DGKB: variants seen among roughly 807,000 people sequenced by gnomAD.
DGKB encodes the protein 90 kDa diacylglycerol kinase.
In DGKB, 67 loss-of-function variants were observed where a neutral mutation model predicts 114.3. The ratio of observed to expected loss-of-function variants is 0.59; its 90% confidence interval spans 0.48 to 0.72. The LOEUF is 0.72. Among genes scored for constraint, DGKB ranks in the 30% least tolerant of loss-of-function variants. The probability of loss-of-function intolerance (pLI) is 0.00; values close to 1 mark genes in which losing one functional copy is unlikely to be tolerated. For synonymous variants in DGKB, 398 were observed against 323.1 expected, an observed-to-expected ratio of 1.23 and a Z score of -2.49; for missense variants, 907 against 975.2, an observed-to-expected ratio of 0.93 and a Z score of 0.93.
chr7:14,683,534 T>C (rs1448424708), intron 10 of DGKB, among the ~76,000 whole-genome samples: 1 of 152,114 alleles, frequency 6.6e-6, no homozygotes, highest in Non-Finnish European at 1.5e-5. Context: ...AAGACATACA[T>C]TTTTGGCATC....
chr7:14,217,225 T>G (rs1014787914), intron 23 of DGKB, among the ~76,000 whole-genome samples: 3 of 96,166 alleles, frequency 3.1e-5, no homozygotes, highest in Non-Finnish European at 7.6e-5. Flanking sequence ...AAAGTGAGAA[T>G]AATTCAGTTT....
In DGKB at chr7:14,704,936, C is replaced by T. The variant is rs1398052374; in HGVS notation, c.467-3206G>A. 1.4e-4 allele frequency among the ~76,000 whole-genome samples: 21 copies of T among 152,012 alleles called. No individual in the cohort carries two copies. The East Asian group carries it at 2.2e-3, about 16-fold the overall frequency. Reference sequence around the variant, plus strand: ...CCTCTCCTCCTCCAAAGGAACGCAGCTCCTCACCAGCAACGGAACAAAGCT... The same window carrying T: ...CCTCTCCTCCTCCAAAGGAACGCAGTTCCTCACCAGCAACGGAACAAAGCT... On this transcript the variant is annotated intron_variant, in intron 6 of 25. Transcript: ENST00000402815.
At chr7:14,682,511 G>A in intron 12 of DGKB, 42 bp downstream of exon 12, 3 of 1,337,122 alleles carry the variant, frequency 2.2e-6, no homozygotes, top group East Asian at 2.3e-5. Flanking sequence ...CACGTCTTCA[G>A]TGTGGGTGAA....
intron 1 of DGKB, among the ~76,000 whole-genome samples, chr7:14,855,568 A>G (rs1482938333): frequency 6.6e-6 from 1 of 152,064 alleles, no homozygotes; most frequent in Non-Finnish European, 1.5e-5. Context: ...ACCCCCATGC[A>G]TATGCACACA....
chr7:14,663,347 G>C (rs1407899985), intron 13 of DGKB, among the ~76,000 whole-genome samples: 1 of 151,944 alleles, frequency 6.6e-6, no homozygotes, highest in East Asian at 1.9e-4. Flanking sequence ...TTTATCAATA[G>C]ACTTAGTTCA....
At chr7:14,253,372 C>A (rs1161603601) in intron 23 of DGKB, among the ~76,000 whole-genome samples, 1 of 152,128 alleles carries the variant, frequency 6.6e-6, no homozygotes, top group Non-Finnish European at 1.5e-5. Context: ...GTGCTGCCAA[C>A]TCCTATTCTG....
intron 2 of DGKB, among the ~76,000 whole-genome samples, chr7:14,812,465 G>A (rs911130904): frequency 4.6e-5 from 7 of 152,000 alleles, no homozygotes; most frequent in African/African-American, 7.2e-5. Flanking sequence ...ATTCACTCAC[G>A]TGGACATTTA....
At chr7:14,532,608 A>C (rs1368756214) in intron 20 of DGKB, among the ~76,000 whole-genome samples, 1 of 151,600 alleles carries the variant, frequency 6.6e-6, no homozygotes. Context: ...AAATGTATAT[A>C]CATATAGCAA....
chr7:14,194,238 A>G (rs1455696468), intron 23 of DGKB, among the ~76,000 whole-genome samples: 4 of 152,180 alleles, frequency 2.6e-5, no homozygotes, highest in Non-Finnish European at 5.9e-5. Flanking sequence ...GTCAAAAGAG[A>G]TATCTGTACT....
At position 14,698,130 on chromosome 7, in the gene DGKB, C is replaced by A. The variant is rs2129004716; in HGVS notation, c.556G>T (p.Glu186Ter). Residue 186 changes from glutamate to a stop codon, truncating the protein, a stop_gained, in exon 8 of 26, where the codon GAA becomes TAA. Coordinates refer to ENST00000402815, the MANE Select transcript of DGKB (RefSeq NM_001350709.2). LOFTEE classifies it high-confidence loss of function. ...TCAGTGACATCCCACTCAAGGTATT[C>A]TGCAACATGCATCATCTGACTGATG... ...NIISQMMHVA[E>*]YLEWDVTELN... 1 of 1,539,460 alleles carries A rather than the reference C, an allele frequency of 6.5e-7. No individual in the cohort carries two copies. The highest frequency in any genetic ancestry group is 8.7e-7 in the Non-Finnish European group (1 of 1,147,288).
chr7:14,646,273 A>G (rs1279851018), intron 13 of DGKB, among the ~76,000 whole-genome samples: 1 of 152,184 alleles, frequency 6.6e-6, no homozygotes, highest in African/African-American at 2.4e-5. Flanking sequence ...AAAAACAGAC[A>G]AAGAAGGTCA....
At chr7:14,860,431 T>A (rs10249790) in intron 1 of DGKB, among the ~76,000 whole-genome samples, 1 of 151,914 alleles carries the variant, frequency 6.6e-6, no homozygotes, top group Non-Finnish European at 1.5e-5. Context: ...GTGTGCTTGA[T>A]GCCTAACAAA....
intron 23 of DGKB, among the ~76,000 whole-genome samples, chr7:14,310,201 A>G (rs1170668553): frequency 6.6e-6 from 1 of 152,200 alleles, no homozygotes; most frequent in Non-Finnish European, 1.5e-5. Context: ...CACTCCATTT[A>G]CCAAAATATA....
intron 17 of DGKB, among the ~76,000 whole-genome samples, chr7:14,605,366 C>CTA (rs145563580): frequency 0.34 from 49,341 of 146,448 alleles, 8,759 homozygotes; most frequent in East Asian, 0.68. Flanking sequence ...TATATATATA[C>CTA]TATATATATA....
At chr7:14,375,487 G>A (rs1818329717) in intron 21 of DGKB, among the ~76,000 whole-genome samples, 1 of 152,184 alleles carries the variant, frequency 6.6e-6, no homozygotes, top group Non-Finnish European at 1.5e-5. Flanking sequence ...ACAATTCAGA[G>A]AGAATAAAGT....
intron 23 of DGKB, among the ~76,000 whole-genome samples, chr7:14,314,936 G>T (rs200696278): frequency 3.2e-4 from 49 of 151,322 alleles, no homozygotes; most frequent in Non-Finnish European, 5.5e-4. Context: ...CGGATCTCTC[G>T]GCAGAAACCC....
At chr7:14,912,542 C>G (rs551246503) in intron 1 of DGKB, among the ~76,000 whole-genome samples, 4 of 152,052 alleles carry the variant, frequency 2.6e-5, no homozygotes, top group African/African-American at 9.7e-5. Flanking sequence ...ACGCAGGAGG[C>G]TGTTGAATAG....
chr7:14,845,985 T>G (rs549120766), intron 1 of DGKB, among the ~76,000 whole-genome samples: 3 of 152,118 alleles, frequency 2.0e-5, no homozygotes, highest in Non-Finnish European at 4.4e-5. Context: ...GCTAACCAAT[T>G]TACCATAACA....
chr7:14,710,729 GA>G (rs1197899730), intron 6 of DGKB, among the ~76,000 whole-genome samples: 1 of 151,978 alleles, frequency 6.6e-6, no homozygotes, highest in African/African-American at 2.4e-5. Flanking sequence ...ATCATGAATA[GA>G]ATGCATATGG....
Sources: gnomAD v4.1 joint callset for allele counts (sites outside exome capture counted in the v4.1 genomes callset) on GRCh38, gnomAD v4.1.1 for gene constraint, MANE v1.5 for transcripts, NCBI Gene and HGNC (gene_info 2026-07-23, HGNC 2026-07-21) for gene names.